The following KAZN variants were observed in gnomAD, a reference collection of about 807,000 sequenced individuals.
KAZN encodes kazrin.
KAZN carries 40 observed loss-of-function variants against 87.4 expected under a neutral mutation model. That is an observed-to-expected ratio of 0.46 (90% CI 0.36 to 0.60). The LOEUF is 0.60. Ranked by LOEUF, KAZN falls within the 20% of genes least tolerant of loss-of-function variation. The pLI is 0.00. For synonymous variants in KAZN, 466 were observed against 458.3 expected (o/e 1.02, Z -0.22); for missense variants, 898 against 1,073.9 (o/e 0.84, Z 2.29).
intron 1 of KAZN, among the ~76,000 whole-genome samples, chr1:13,904,740 G>A (rs1639374258): frequency 6.6e-6 from 1 of 152,088 alleles, no homozygotes; most frequent in Non-Finnish European, 1.5e-5. Flanking sequence ...CTAGGGGTAG[G>A]TCTAATTTTA....
chr1:14,608,370 A>C (rs770870314), intron 1 of KAZN, among the ~76,000 whole-genome samples: 3 of 152,220 alleles, frequency 2.0e-5, no homozygotes, highest in Non-Finnish European at 4.4e-5. Flanking sequence ...ATGAAAACAT[A>C]ATTTTCTAAT....
At chr1:14,213,518 G>A (rs1284261818) in intron 2 of KAZN, among the ~76,000 whole-genome samples, 1 of 152,216 alleles carries the variant, frequency 6.6e-6, no homozygotes, top group Non-Finnish European at 1.5e-5. Flanking sequence ...CTTAAGGTTA[G>A]AATGCACCTG....
intron 1 of KAZN, among the ~76,000 whole-genome samples, chr1:14,718,636 A>G (rs1226144306): frequency 6.6e-6 from 1 of 152,120 alleles, no homozygotes; most frequent in Non-Finnish European, 1.5e-5. Context: ...CTCTCCTGCC[A>G]CTTGGTCTTC....
intron 2 of KAZN, among the ~76,000 whole-genome samples, chr1:14,450,740 G>A (rs1667227873): frequency 6.6e-6 from 1 of 152,198 alleles, no homozygotes; most frequent in African/African-American, 2.4e-5. Flanking sequence ...TGTGGGGAAG[G>A]AGGGGTAGGC....
At chr1:14,225,065 G>GA (rs1432401108) in intron 2 of KAZN, among the ~76,000 whole-genome samples, 1 of 151,838 alleles carries the variant, frequency 6.6e-6, no homozygotes, top group Non-Finnish European at 1.5e-5. Context: ...TCAGGCAAAA[G>GA]AAAAAAATAA....
intron 1 of KAZN, among the ~76,000 whole-genome samples, chr1:14,617,335 A>T (rs1678330733): frequency 6.6e-6 from 1 of 152,228 alleles, no homozygotes; most frequent in Non-Finnish European, 1.5e-5. Context: ...TATTAAGTGT[A>T]CAATAGCATT....
intron 2 of KAZN, among the ~76,000 whole-genome samples, chr1:14,350,397 G>A (rs981872826): frequency 2.0e-5 from 3 of 152,172 alleles, no homozygotes; most frequent in African/African-American, 4.8e-5. Context: ...GTGAGTGCTC[G>A]GCACAGAGCC....
At chr1:14,748,258 A>G (rs941715983) in intron 1 of KAZN, among the ~76,000 whole-genome samples, 1 of 152,250 alleles carries the variant, frequency 6.6e-6, no homozygotes, top group Non-Finnish European at 1.5e-5. Flanking sequence ...TCAAGGACAC[A>G]TCAGCAAAAA....
intron 2 of KAZN, among the ~76,000 whole-genome samples, chr1:14,559,800 C>T (rs1186767279): frequency 1.3e-5 from 2 of 152,150 alleles, no homozygotes; most frequent in Admixed American, 6.5e-5. Flanking sequence ...TCCAAATCTG[C>T]GTGCAACTCC....
chr1:14,737,905 T>C (rs979163178), intron 1 of KAZN, among the ~76,000 whole-genome samples: 3 of 152,114 alleles, frequency 2.0e-5, no homozygotes, highest in African/African-American at 7.2e-5. Context: ...CCTGATTAGG[T>C]CAGGCCCACC....
rs185705900 is a variant in KAZN at position 14,363,624 on chromosome 1, T to C, written c.249+183032T>C. Among the ~76,000 whole-genome samples, 404 of 152,230 alleles carry C rather than the reference T, an allele frequency of 2.7e-3. 1 individual carries two copies. Among genetic ancestry groups the C allele is most frequent in the Non-Finnish European group, 4.1e-3 (279 of 68,012 alleles). On this transcript the variant is annotated intron_variant, in intron 2 of 16. Transcript: ENST00000636203. ...TTCCAACTCTGTCCCTTTAGAGGGG[T>C]CAGGAAACTTTAACCTATGGGCCAA...
chr1:14,259,618 A>G (rs1650852951), intron 2 of KAZN, among the ~76,000 whole-genome samples: 1 of 152,142 alleles, frequency 6.6e-6, no homozygotes, highest in Non-Finnish European at 1.5e-5. Flanking sequence ...TGTTAGCCTG[A>G]GGTTCATCAC....
At chr1:13,925,110 C>T (rs1244468058) in intron 1 of KAZN, among the ~76,000 whole-genome samples, 1 of 152,192 alleles carries the variant, frequency 6.6e-6, no homozygotes, top group Non-Finnish European at 1.5e-5. Flanking sequence ...CGGGCGACCA[C>T]TCATCTGCTT....
intron 2 of KAZN, among the ~76,000 whole-genome samples, chr1:14,981,160 C>A (rs1346263351): frequency 6.6e-6 from 1 of 152,188 alleles, no homozygotes; most frequent in South Asian, 2.1e-4. Flanking sequence ...GGAGGCCCAG[C>A]CTTGCCGGGA....
chr1:14,768,576 T>C (rs1644943985), intron 1 of KAZN, among the ~76,000 whole-genome samples: 1 of 152,208 alleles, frequency 6.6e-6, no homozygotes, highest in Non-Finnish European at 1.5e-5. Context: ...CTCCAAGGTC[T>C]CCCAGCCCTC....
In KAZN at chr1:14,425,212, T is replaced by C. The variant is rs957524337; in HGVS notation, c.250-173771T>C. On this transcript the variant is annotated intron_variant, in intron 2 of 16. Transcript: ENST00000636203. Reference sequence around the variant, plus strand: ...CCATGTTCTCACATTGCATTTGCAATGCCTGGCTTTAGGGTCAGGCCATGG... The same window carrying C: ...CCATGTTCTCACATTGCATTTGCAACGCCTGGCTTTAGGGTCAGGCCATGG... Among the ~76,000 whole-genome samples the C allele has an allele frequency of 5.3e-5, 8 of 152,206 alleles. No homozygotes were observed. In the East Asian group the frequency reaches 5.8e-4, roughly 11 times the overall value.
intron 1 of KAZN, among the ~76,000 whole-genome samples, chr1:14,750,369 G>C (rs977189145): frequency 1.3e-4 from 20 of 152,016 alleles, no homozygotes; most frequent in African/African-American, 4.6e-4. Context: ...GGCTGAATAG[G>C]TCACCCCATC....
chr1:14,909,503 G>A (rs184241635), intron 1 of KAZN, among the ~76,000 whole-genome samples: 3 of 152,232 alleles, frequency 2.0e-5, no homozygotes, highest in African/African-American at 7.2e-5. Flanking sequence ...GTCTGTTACT[G>A]CCTCCAGAGT....
chr1:14,159,191 G>A (rs781290205), intron 1 of KAZN, among the ~76,000 whole-genome samples: 5 of 152,206 alleles, frequency 3.3e-5, no homozygotes, highest in Non-Finnish European at 5.9e-5. Flanking sequence ...TTCCCTTCAA[G>A]GTGATGAGTT....
Sources: allele counts gnomAD v4.1 joint callset (sites outside exome capture counted in the v4.1 genomes callset), GRCh38; gene constraint gnomAD v4.1.1; transcripts MANE v1.5; gene names NCBI Gene and HGNC (gene_info 2026-07-23, HGNC 2026-07-21).